CSMD2: variants seen among roughly 807,000 people sequenced by gnomAD.
CSMD2 encodes the protein CUB and sushi domain-containing protein 2.
In CSMD2, 130 loss-of-function variants were observed where a neutral mutation model predicts 398.5. The observed-to-expected ratio is 0.33, with a 90% CI of 0.28 to 0.38. The LOEUF (loss-of-function observed/expected upper bound fraction) is 0.38. Among genes scored for constraint, CSMD2 ranks in the 10% least tolerant of loss-of-function variants. The probability of loss-of-function intolerance (pLI) is 1.00; values close to 1 mark genes in which losing one functional copy is unlikely to be tolerated. For synonymous variants in CSMD2, 1,828 were observed against 1,908.5 expected (o/e 0.96, Z 1.10); for missense variants, 3,829 against 4,764.9 (o/e 0.80, Z 5.78).
intron 1 of CSMD2, among the ~76,000 whole-genome samples, chr1:34,102,178 C>T (rs536954269): frequency 1.3e-5 from 2 of 152,106 alleles, no homozygotes; most frequent in South Asian, 4.2e-4. Context: ...CTACAGGTGC[C>T]CGCCACCACG....
Position 34,151,380 on chromosome 1 carries a change from G to A in CSMD2, c.187+13531C>T, listed in dbSNP as rs1161515656. ...GCCACCTTGATGACAGAGGTATGGGGTTGAAGCCTGGTTAAAGAAAAGGCC... is the reference window on the plus strand; with the variant it reads ...GCCACCTTGATGACAGAGGTATGGGATTGAAGCCTGGTTAAAGAAAAGGCC... On this transcript the variant is annotated intron_variant, in intron 1 of 70. Coordinates refer to ENST00000373381, the MANE Select transcript of CSMD2 (RefSeq NM_001281956.2). Among the ~76,000 whole-genome samples the A allele has an allele frequency of 5.3e-5, 8 of 152,272 alleles. No homozygotes were observed. In the East Asian group the frequency reaches 1.5e-3, roughly 29 times the overall value.
rs1317977914 is a variant in CSMD2 at position 33,772,573 on chromosome 1, G to A, written c.1842C>T (p.Cys614=). The change falls in exon 13 of 71, where the codon TGC becomes TGT. Residue 614 remains cysteine, a synonymous_variant. Transcript: ENST00000373381. ...GCCTCCTCCCTGCTCACTTACACACGCAGCCTGGCTTCTTAGCCGACCATT... is the reference window on the plus strand; with the variant it reads ...GCCTCCTCCCTGCTCACTTACACACACAGCCTGGCTTCTTAGCCGACCATT... ...NNQWSAKKPG[C]VFSCFFNFTS... The A allele has an allele frequency of 3.1e-6, 5 of 1,612,410 alleles. No homozygotes were observed. The highest frequency in any genetic ancestry group is 3.4e-6 in the Non-Finnish European group (4 of 1,179,040).
Position 33,587,084 on chromosome 1 carries a change from G to T in CSMD2, c.6937+4C>A. 1 of 1,597,864 alleles carries T rather than the reference G, an allele frequency of 6.3e-7. No homozygotes were observed. The highest frequency in any genetic ancestry group is 8.5e-7 in the Non-Finnish European group (1 of 1,171,664). On this transcript the variant is annotated splice_donor_region_variant and intron_variant, in intron 45 of 70. Transcript: ENST00000373381. The stretch of plus-strand genomic sequence containing the variant: ...ACAGTCCTTGCTGGCTTGGGAGGTG[G>T]TACCTATATTGAATTCTTCATTCTC...
intron 12 of CSMD2, among the ~76,000 whole-genome samples, chr1:33,778,161 A>G (rs759706309): frequency 2.6e-5 from 4 of 151,864 alleles, no homozygotes; most frequent in South Asian, 4.2e-4. Flanking sequence ...GATCTTAGAC[A>G]TTTCCCTTTT....
rs1313500692 is a variant in CSMD2, at chr1:33,567,726, G to A, written c.8247C>T (p.His2749=). The A allele has an allele frequency of 6.2e-7, 1 of 1,614,026 alleles. No homozygotes were observed. Among genetic ancestry groups the A allele is most frequent in the Non-Finnish European group, 8.5e-7 (1 of 1,180,028 alleles). ...CGTPEPIVNG[H]INGENYSYRG... is the part of the protein sequence containing the mutation. Reference sequence around the variant, plus strand: ...GGTAGCTGTAGTTCTCCCCATTGATGTGTCCGTTGACAATGGGCTCAGGAG... The same window carrying A: ...GGTAGCTGTAGTTCTCCCCATTGATATGTCCGTTGACAATGGGCTCAGGAG... Residue 2749 remains histidine (H), a synonymous_variant, in exon 53 of 71, where the codon CAC becomes CAT. Coordinates refer to ENST00000373381, the MANE Select transcript of CSMD2 (RefSeq NM_001281956.2).
intron 2 of CSMD2, among the ~76,000 whole-genome samples, chr1:34,062,492 G>T (rs1654625087): frequency 6.6e-6 from 1 of 152,208 alleles, no homozygotes; most frequent in Non-Finnish European, 1.5e-5. Flanking sequence ...CATTCGAGCT[G>T]GCAGTGAAGA....
intron 51 of CSMD2, 57 bp downstream of exon 51, chr1:33,571,475 A>C (rs1477828102): frequency 9.8e-6 from 13 of 1,321,142 alleles, no homozygotes; most frequent in Non-Finnish European, 1.3e-5. Context: ...CATGCATGAG[A>C]CAGCTTAGGT....
intron 13 of CSMD2, among the ~76,000 whole-genome samples, chr1:33,771,099 T>A (rs1651194945): frequency 6.6e-6 from 1 of 152,196 alleles, no homozygotes; most frequent in African/African-American, 2.4e-5. Flanking sequence ...CTCCCAGCTC[T>A]TTGTCGCAGA....
intron 32 of CSMD2, among the ~76,000 whole-genome samples, chr1:33,629,085 C>T (rs1009307053): frequency 3.3e-5 from 5 of 149,888 alleles, no homozygotes; most frequent in East Asian, 3.9e-4. Flanking sequence ...AAAACAAAAC[C>T]CAAAACTAAA....
chr1:33,626,509 C>A lies in CSMD2; in HGVS notation c.5273G>T (p.Arg1758Ile). The A allele has an allele frequency of 6.2e-7, 1 of 1,608,472 alleles. No individual in the cohort carries two copies. The highest frequency in any genetic ancestry group is 8.5e-7 in the Non-Finnish European group (1 of 1,177,832). Residue 1758 changes from arginine (R) to isoleucine (I), a missense_variant, in exon 33 of 71, where the codon AGA becomes ATA. By Grantham distance (97) the Arg-to-Ile change is moderately conservative. This residue lies in a region of CSMD2 where 2,001 missense variants were observed against 2,567.1 expected (regional missense o/e 0.78). Transcript: ENST00000373381. ...ACCTTGGTAGACAAAGTGGAAGCCT[C>A]TGGCTGGTGCGAGGCCTTTGGCGCT... ...KFSAKGLAPA[R>I]GFHFVYQAVP...
Position 33,557,717 on chromosome 1 carries a change from A to G in CSMD2, c.8743+17T>C. ...GGCCACCCCATCAGTCATTTTGAGC[A>G]GGTGACATCTACTTACAGAGACACT... is the stretch of plus-strand genomic sequence containing the variant. On this transcript the variant is annotated intron_variant, in intron 55 of 70. Coordinates refer to ENST00000373381, the MANE Select transcript of CSMD2 (RefSeq NM_001281956.2). 5 of 1,533,430 alleles carry G rather than the reference A, an allele frequency of 3.3e-6. No individual in the cohort carries two copies. The highest frequency in any genetic ancestry group is 4.4e-6 in the Non-Finnish European group (5 of 1,145,310). 95.0% of individuals were successfully genotyped at this position (1,533,430 alleles called of 1,614,324 possible).
chr1:34,111,399 T>C (rs1409071374), intron 1 of CSMD2, among the ~76,000 whole-genome samples: 2 of 152,158 alleles, frequency 1.3e-5, no homozygotes, highest in African/African-American at 4.8e-5. Flanking sequence ...CAGACTGAGT[T>C]CCTTGGGGAC....
intron 3 of CSMD2, among the ~76,000 whole-genome samples, chr1:34,031,719 G>A (rs9919178): frequency 2.5e-5 from 3 of 119,450 alleles, no homozygotes; most frequent in Non-Finnish European, 4.9e-5. Flanking sequence ...CTTCTTCATT[G>A]AAGAAAGCAT....
rs145042107 is a variant in CSMD2, at chr1:33,669,591, T to C, written c.4053-6499A>G. On this transcript the variant is annotated intron_variant, in intron 25 of 70. Transcript: ENST00000373381. ...CTTGCTTCAGAGCCTTCTCTCTGCC[T>C]GGAAGTTCCCCCTGCAAATGGCCCC... Among the ~76,000 whole-genome samples the C allele has an allele frequency of 1.5e-4, 23 of 152,336 alleles. 1 individual carries two copies. Among genetic ancestry groups the C allele is most frequent in the African/African-American group, 5.3e-4 (22 of 41,562 alleles).
rs777975880 is a variant in CSMD2 at position 33,918,299 on chromosome 1, C to G, written c.715G>C (p.Asp239His). 2.5e-6 allele frequency: 4 copies of G among 1,613,598 alleles called. No homozygotes were observed. Among genetic ancestry groups the G allele is most frequent in the Admixed American group, 3.3e-5 (2 of 60,022 alleles). Residue 239 changes from aspartate (D) to histidine (H), a missense_variant and splice_region_variant, in exon 5 of 71, where the codon GAT becomes CAT. Asp to His is a moderately conservative substitution (Grantham distance 81, BLOSUM62 -1). Transcript: ENST00000373381. ...CGCAGGGTCCCACCACAGGCATCATCAGCTGTGGGCACAGAGAGAAGAGGC... is the reference window on the plus strand; with the variant it reads ...CGCAGGGTCCCACCACAGGCATCATGAGCTGTGGGCACAGAGAGAAGAGGC... ...WDFPLPSCRA[D>H]DACGGTLRGQ... is the part of the protein sequence containing the mutation.
intron 5 of CSMD2, among the ~76,000 whole-genome samples, chr1:33,904,703 C>T (rs887327924): frequency 2.6e-5 from 4 of 151,614 alleles, no homozygotes; most frequent in Non-Finnish European, 4.4e-5. Context: ...CTTGCTCTGC[C>T]GCCCAGGCTG....
At chr1:33,792,059 G>A (rs1654384800) in intron 11 of CSMD2, among the ~76,000 whole-genome samples, 1 of 152,154 alleles carries the variant, frequency 6.6e-6, no homozygotes. Context: ...TCTGAGGTCA[G>A]GCTGCCACGG....
At chr1:34,100,551 C>A (rs1659838023) in intron 1 of CSMD2, among the ~76,000 whole-genome samples, 1 of 152,084 alleles carries the variant, frequency 6.6e-6, no homozygotes, top group South Asian at 2.1e-4. Context: ...TTCAACCACT[C>A]CCCTGTTGAT....
chr1:33,654,355 C>T (rs1034095631), intron 27 of CSMD2, among the ~76,000 whole-genome samples: 3 of 152,210 alleles, frequency 2.0e-5, no homozygotes, highest in African/African-American at 7.2e-5. Context: ...CACTCTGAGA[C>T]TCAAACTCAC....
Sources: allele counts gnomAD v4.1 joint callset (sites outside exome capture counted in the v4.1 genomes callset), GRCh38; gene constraint gnomAD v4.1.1; regional missense constraint gnomAD v4.1.1; transcripts MANE v1.5; gene names NCBI Gene and HGNC (gene_info 2026-07-23, HGNC 2026-07-21).